The following ASB4 variants were observed in gnomAD, a reference collection of about 807,000 sequenced individuals.
The protein encoded by ASB4 is ankyrin repeat and SOCS box containing 4, also known as ankyrin repeat and SOCS box protein 4.
Under a neutral mutation model 38.6 loss-of-function variants are expected in ASB4, and 35 were observed. The ratio of observed to expected loss-of-function variants is 0.91; its 90% CI spans 0.69 to 1.20. The LOEUF (loss-of-function observed/expected upper bound fraction) is 1.20. ASB4 is among the 50% of genes most tolerant of loss of function. ASB4 has a pLI of 0.00. For missense variants in ASB4, 557 were observed against 527.2 expected, an observed-to-expected ratio of 1.06 and a Z score of -0.55; for synonymous variants, 195 against 201.3, an observed-to-expected ratio of 0.97 and a Z score of 0.26.
chr7:95,505,920 G>T (rs908984592), intron 2 of ASB4, among the ~76,000 whole-genome samples: 1 of 152,026 alleles, frequency 6.6e-6, no homozygotes, highest in Non-Finnish European at 1.5e-5. Context: ...TAGAGACAGG[G>T]TTTCACTCTG....
chr7:95,538,289 G>A lies in ASB4; in HGVS notation c.*530G>A, dbSNP rs1349848112. On this transcript the variant is annotated 3_prime_UTR_variant, in exon 5 of 5. Transcript: ENST00000325885. Reference sequence around the variant, plus strand: ...GTTTATTTCAGTGATGAAGGCATATGAGCATAGTCAAAACAAGGAGATCTT... The same window carrying A: ...GTTTATTTCAGTGATGAAGGCATATAAGCATAGTCAAAACAAGGAGATCTT... The A allele has an allele frequency of 6.6e-6, 1 of 152,398 alleles. No homozygotes were observed. Among genetic ancestry groups the A allele is most frequent in the Non-Finnish European group, 1.5e-5 (1 of 68,170 alleles). 9.4% of individuals were successfully genotyped at this position (152,398 alleles called of 1,614,324 possible). A position where few individuals can be genotyped will look rare whatever the true frequency, so the allele number is the denominator to read the frequency against.
Position 95,534,071 on chromosome 7 carries a change from G to A in ASB4, c.979-2366G>A, listed in dbSNP as rs548121245. Among the ~76,000 whole-genome samples the A allele has an allele frequency of 1.9e-4, 27 of 142,700 alleles. No homozygotes were observed. In the South Asian group the frequency reaches 4.3e-3, roughly 23 times the overall value. The allele number at this position is 142,700 out of a possible 152,430, so 93.6% of individuals were successfully genotyped here. A position where few individuals can be genotyped will look rare whatever the true frequency, so the allele number is the denominator to read the frequency against. ...TTTTTGCTGACATGAATGGCTGGGC[G>A]CGGTGGCTTACACCTGTAATCCCAG... On this transcript the variant is annotated intron_variant, in intron 3 of 4. Coordinates refer to ENST00000325885, the MANE Select transcript of ASB4 (RefSeq NM_016116.3).
the ASB4 span, among the ~76,000 whole-genome samples, chr7:95,472,460 C>G: frequency 6.6e-6 from 1 of 152,154 alleles, no homozygotes; most frequent in African/African-American, 2.4e-5. Context: ...TTTGTACACA[C>G]TAGTAACTCC....
rs535223415 is a variant in ASB4 at position 95,506,232 on chromosome 7, A to G, written c.487+10175A>G. On this transcript the variant is annotated intron_variant, in intron 2 of 4. Transcript: ENST00000325885. ...TTTTAATCTTTTCTGAAATATTTAA[A>G]CTCAGTGGGTATTTTATCAATGTTA... is the stretch of plus-strand genomic sequence containing the variant. 7.2e-5 allele frequency among the ~76,000 whole-genome samples: 11 copies of G among 152,110 alleles called. No individual in the cohort carries two copies. The South Asian group carries it at 2.3e-3, about 32-fold the overall frequency.
rs187596116 is a variant in ASB4, at chr7:95,490,559, C to T, written c.187+4401C>T. On this transcript the variant is annotated intron_variant, in intron 1 of 4. Transcript: ENST00000325885. ...CACGAGCAGTGTGTGTAACCTTTGG[C>T]TGTAATAACAGAGGCTTCTCATGTG... 1.5e-3 allele frequency among the ~76,000 whole-genome samples: 232 copies of T among 152,336 alleles called. 1 individual carries two copies. Among genetic ancestry groups the T allele is most frequent in the African/African-American group, 5.5e-3 (228 of 41,580 alleles).
At chr7:95,477,286 A>C (rs1385018982), upstream of ASB4, among the ~76,000 whole-genome samples, 1 of 152,196 alleles carries the variant, frequency 6.6e-6, no homozygotes, top group East Asian at 1.9e-4. Context: ...CGTTATTTGA[A>C]GCTGTGTTTG....
At chr7:95,540,545 C>G (rs1790957495), downstream of ASB4, among the ~76,000 whole-genome samples, 1 of 152,186 alleles carries the variant, frequency 6.6e-6, no homozygotes, top group African/African-American at 2.4e-5. Context: ...CATTTTCCTT[C>G]ATTCTCACTG....
At chr7:95,499,952 C>T (rs1227424107) in intron 2 of ASB4, among the ~76,000 whole-genome samples, 2 of 140,594 alleles carry the variant, frequency 1.4e-5, no homozygotes, top group Non-Finnish European at 3.0e-5. Context: ...CGGCTCACTG[C>T]AAGCTCTGCC....
chr7:95,483,665 G>A (rs3757705), upstream of ASB4, among the ~76,000 whole-genome samples: 53,941 of 151,976 alleles, frequency 0.35, 10,156 homozygotes, highest in East Asian at 0.73. Flanking sequence ...AAATGGAGGC[G>A]ATCTAGGGAT....
At chr7:95,478,439 A>G (rs1383429743), upstream of ASB4, 6 of 152,218 alleles carry the variant, frequency 3.9e-5, 1 homozygote, top group African/African-American at 1.4e-4. Context: ...ACAGTCAAAG[A>G]TGACGTGAAA....
chr7:95,530,047 AAAC>A (rs952618629), intron 3 of ASB4, among the ~76,000 whole-genome samples: 4 of 151,558 alleles, frequency 2.6e-5, no homozygotes, highest in Admixed American at 1.3e-4. Flanking sequence ...GAAACAAACA[AAAC>A]AACAACCAAA....
chr7:95,526,783 A>G (rs953282391), intron 2 of ASB4, among the ~76,000 whole-genome samples: 21 of 152,202 alleles, frequency 1.4e-4, no homozygotes, highest in African/African-American at 4.3e-4. Flanking sequence ...GTCTGTACAG[A>G]CTAATACTTG....
chr7:95,486,810 G>A (rs1021928307), intron 1 of ASB4, among the ~76,000 whole-genome samples: 1 of 152,096 alleles, frequency 6.6e-6, no homozygotes, highest in African/African-American at 2.4e-5. Context: ...GTCTTATAAC[G>A]ACCTAAGGAA....
In ASB4 at chr7:95,537,705, C is replaced by A; in HGVS notation, c.1227C>A (p.Leu409=). The change falls in exon 5 of 5, where the codon CTC becomes CTA. Residue 409 remains leucine, a synonymous_variant. Coordinates refer to ENST00000325885, the MANE Select transcript of ASB4 (RefSeq NM_016116.3). ...ATAGAGCAATTCCTTTGCTTTCCCT[C>A]CCATTGTCATTGAAAAAGTACTTGC... The part of the protein sequence containing the change: ...RCHRAIPLLS[L]PLSLKKYLLL... 6.2e-7 allele frequency: 1 copy of A among 1,613,930 alleles called. No individual in the cohort carries two copies. Among genetic ancestry groups the A allele is most frequent in the Non-Finnish European group, 8.5e-7 (1 of 1,179,856 alleles).
chr7:95,474,678 T>A (rs1233885887), upstream of ASB4, among the ~76,000 whole-genome samples: 1 of 152,090 alleles, frequency 6.6e-6, no homozygotes, highest in African/African-American at 2.4e-5. Flanking sequence ...CATGCCACCA[T>A]GCCAGGCTAA....
chr7:95,506,547 TA>T (rs1790410842), intron 2 of ASB4, among the ~76,000 whole-genome samples: 1 of 152,196 alleles, frequency 6.6e-6, no homozygotes, highest in East Asian at 1.9e-4. Context: ...TCTAGATTCA[TA>T]AACATTTTCT....
chr7:95,472,387 T>C, the ASB4 span, among the ~76,000 whole-genome samples: 2 of 152,068 alleles, frequency 1.3e-5, no homozygotes, highest in Non-Finnish European at 2.9e-5. Flanking sequence ...CTCAATAATA[T>C]TTGAACATTT....
At chr7:95,476,114 T>C (rs936958273), upstream of ASB4, among the ~76,000 whole-genome samples, 3 of 152,228 alleles carry the variant, frequency 2.0e-5, no homozygotes, top group Non-Finnish European at 2.9e-5. Context: ...TCTGCCTTAT[T>C]GTATAACCAG....
At chr7:95,507,244 T>G (rs1429571189) in intron 2 of ASB4, among the ~76,000 whole-genome samples, 1 of 152,092 alleles carries the variant, frequency 6.6e-6, no homozygotes, top group African/African-American at 2.4e-5. Context: ...ATTGGTCAGA[T>G]TCTCCGAAAA....
Sources: allele counts gnomAD v4.1 joint callset (sites outside exome capture counted in the v4.1 genomes callset), GRCh38; gene constraint gnomAD v4.1.1; transcripts MANE v1.5; gene names NCBI Gene and HGNC (gene_info 2026-07-23, HGNC 2026-07-21).